Variants in FOSL2 observed in about 807,000 individuals in gnomAD.
FOSL2 encodes the protein fos-related antigen 2.
Under a neutral mutation model 27.7 loss-of-function variants are expected in FOSL2, and 3 were observed. The observed-to-expected ratio is 0.11, with a 90% confidence interval of 0.05 to 0.28. The LOEUF (loss-of-function observed/expected upper bound fraction) is 0.28. Ranked by LOEUF, FOSL2 falls within the 10% of genes least tolerant of loss-of-function variation. The pLI is 1.00. For missense variants in FOSL2, 333 were observed against 445.1 expected, an observed-to-expected ratio of 0.75 and a Z score of 2.27; for synonymous variants, 179 against 190.1, an observed-to-expected ratio of 0.94 and a Z score of 0.48.
At position 28,414,185 on chromosome 2, in the gene FOSL2, G is replaced by A. The variant is rs762690573; in HGVS notation, c.*1737G>A. On this transcript the variant is annotated 3_prime_UTR_variant, in exon 4 of 4. Coordinates refer to ENST00000264716, the MANE Select transcript of FOSL2 (RefSeq NM_005253.4). Reference sequence around the variant, plus strand: ...GTTTGAAAGATAATTAAGATCCCCCGTGGAGAAAGCAGTGACACATTCACA... The same window carrying A: ...GTTTGAAAGATAATTAAGATCCCCCATGGAGAAAGCAGTGACACATTCACA... 7.2e-5 allele frequency: 15 copies of A among 208,038 alleles called. No homozygotes were observed. Among genetic ancestry groups the A allele is most frequent in the Admixed American group, 2.4e-4 (4 of 16,828 alleles). The allele number at this position is 208,038 out of a possible 1,614,324, so 12.9% of individuals were successfully genotyped here.
At chr2:28,396,009 G>A (rs2148076542) in intron 1 of FOSL2, among the ~76,000 whole-genome samples, 1 of 152,264 alleles carries the variant, frequency 6.6e-6, no homozygotes, top group Non-Finnish European at 1.5e-5. Flanking sequence ...GATAAAACCT[G>A]TAATCACTTT....
chr2:28,397,574 C>G (rs192478133), intron 1 of FOSL2, among the ~76,000 whole-genome samples: 1 of 152,312 alleles, frequency 6.6e-6, no homozygotes. Flanking sequence ...ATTTTCCTAT[C>G]CAAAACGCTG....
rs1028844935 is a variant in FOSL2 at position 28,414,625 on chromosome 2, T to C, written c.*2177T>C. The C allele has an allele frequency of 4.6e-5, 7 of 152,228 alleles. No individual in the cohort carries two copies. The highest frequency in any genetic ancestry group is 3.9e-4 in the Admixed American group (6 of 15,288). The allele number at this position is 152,228 out of a possible 1,614,324, so 9.4% of individuals were successfully genotyped here. On this transcript the variant is annotated 3_prime_UTR_variant, in exon 4 of 4. Coordinates refer to ENST00000264716, the MANE Select transcript of FOSL2 (RefSeq NM_005253.4). ...CAAGTGGGAGCTATTTTCTTTTTTGTGCATATAGATATTTCTTAAATGAAG... is the reference window on the plus strand; with the variant it reads ...CAAGTGGGAGCTATTTTCTTTTTTGCGCATATAGATATTTCTTAAATGAAG...
At chr2:28,401,540 C>T (rs748720172) in intron 1 of FOSL2, among the ~76,000 whole-genome samples, 2 of 152,150 alleles carry the variant, frequency 1.3e-5, no homozygotes, top group Non-Finnish European at 2.9e-5. Flanking sequence ...GCCTCCTGAC[C>T]CCGAGTGCAG....
At chr2:28,398,473 G>T (rs1663904996) in intron 1 of FOSL2, among the ~76,000 whole-genome samples, 1 of 152,350 alleles carries the variant, frequency 6.6e-6, no homozygotes, top group East Asian at 1.9e-4. Flanking sequence ...GAGCTGTGGG[G>T]GCTCCAAAGG....
In FOSL2 at chr2:28,412,283, T is replaced by C. The variant is rs896367831; in HGVS notation, c.816T>C (p.Ala272=). 1.2e-6 allele frequency: 2 copies of C among 1,614,088 alleles called. No homozygotes were observed. Among genetic ancestry groups the C allele is most frequent in the Non-Finnish European group, 8.5e-7 (1 of 1,179,996 alleles). Residue 272 remains alanine (A), a synonymous_variant, in exon 4 of 4, where the codon GCT becomes GCC. Coordinates refer to ENST00000264716, the MANE Select transcript of FOSL2 (RefSeq NM_005253.4). This position sits in a 1 kb window ranked among gnomAD's most constrained non-coding sequence, Gnocchi z 7.1. ...CCATCGTGGTGACCTCCACACCTGC[T>C]GTCACTCCGGGCACCTCGAACCTCG... ...HTPIVVTSTP[A]VTPGTSNLVF...
In FOSL2 at chr2:28,393,321, A is replaced by C; in HGVS notation, c.-400A>C. ...CGGGGGTCCCCAGGGCTGGCAGGCCAGGCTCGCTGGGCTCCTAATCTTTTT... is the reference window on the plus strand; with the variant it reads ...CGGGGGTCCCCAGGGCTGGCAGGCCCGGCTCGCTGGGCTCCTAATCTTTTT... On this transcript the variant is annotated 5_prime_UTR_variant, in exon 1 of 4. Coordinates refer to ENST00000264716, the MANE Select transcript of FOSL2 (RefSeq NM_005253.4). This position sits in a 1 kb window ranked among gnomAD's most constrained non-coding sequence, Gnocchi z 4.6. The C allele has an allele frequency of 4.5e-6, 1 of 220,554 alleles. No individual in the cohort carries two copies. The highest frequency in any genetic ancestry group is 8.8e-6 in the Non-Finnish European group (1 of 113,230). The allele number at this position is 220,554 out of a possible 1,614,324, so 13.7% of individuals were successfully genotyped here. A position where few individuals can be genotyped will look rare whatever the true frequency, so the allele number is the denominator to read the frequency against.
Position 28,404,123 on chromosome 2 carries a change from T to C in FOSL2, c.119T>C (p.Met40Thr), listed in dbSNP as rs751769224. 3.1e-6 allele frequency: 5 copies of C among 1,614,098 alleles called. No homozygotes were observed. The highest frequency in any genetic ancestry group is 2.2e-5 in the East Asian group (1 of 44,902). ...TCATTTCAGAAATTCCGGGTAGATATGCCTGGCTCAGGCAGTGCATTCATC... is the reference window on the plus strand; with the variant it reads ...TCATTTCAGAAATTCCGGGTAGATACGCCTGGCTCAGGCAGTGCATTCATC... ...GGGQQKFRVD[M>T]PGSGSAFIPT... Residue 40 changes from methionine (M) to threonine (T), a missense_variant, in exon 2 of 4, where the codon ATG (methionine) becomes ACG (threonine). Coordinates refer to ENST00000264716, the MANE Select transcript of FOSL2 (RefSeq NM_005253.4). The surrounding 1 kb of genome is among the most constrained non-coding windows in gnomAD (Gnocchi z 4.7).
In FOSL2 at chr2:28,393,731, A is replaced by T; in HGVS notation, c.11A>T (p.Asp4Val). The T allele has an allele frequency of 6.2e-7, 1 of 1,609,448 alleles. No individual in the cohort carries two copies. The highest frequency in any genetic ancestry group is 8.5e-7 in the Non-Finnish European group (1 of 1,178,110). Residue 4 changes from aspartate (D) to valine (V), a missense_variant, in exon 1 of 4, where the codon GAT (aspartate) becomes GTT (valine). By Grantham distance (152) the Asp-to-Val change is radical. This residue lies in a region of FOSL2 where 131 missense variants were observed against 157.9 expected (regional missense o/e 0.83). Coordinates refer to ENST00000264716, the MANE Select transcript of FOSL2 (RefSeq NM_005253.4). This position sits in a 1 kb window ranked among gnomAD's most constrained non-coding sequence, Gnocchi z 4.6. MYQ[D>V]YPGNFDTSSR... is the part of the protein sequence containing the mutation. The stretch of plus-strand genomic sequence containing the variant: ...CCCCCACCGCGGATCATGTACCAGG[A>T]TTATCCCGGGAACTTTGACACCTCG...
rs115550988 is a variant in FOSL2, at chr2:28,408,356, T to A, written c.355-403T>A. Among the ~76,000 whole-genome samples the A allele has an allele frequency of 2.0e-3, 312 of 152,230 alleles. 1 individual carries two copies. Among genetic ancestry groups the A allele is most frequent in the Non-Finnish European group, 2.6e-3 (176 of 68,006 alleles). ...TAGCCAGGGTTTGGAAGAAGCTGCT[T>A]AAGTGGGTGGGGCCACGCCTGGCTG... On this transcript the variant is annotated intron_variant, in intron 2 of 3. Coordinates refer to ENST00000264716, the MANE Select transcript of FOSL2 (RefSeq NM_005253.4). This position sits in a 1 kb window ranked among gnomAD's most constrained non-coding sequence, Gnocchi z 4.1.
At chr2:28,410,635 G>A (rs1664174039) in intron 3 of FOSL2, 1 of 617,428 alleles carries the variant, frequency 1.6e-6, no homozygotes, top group African/African-American at 2.0e-5. Context: ...GGAGGCTGGT[G>A]ACACACACCT....
chr2:28,403,982 C>T, intron 1 of FOSL2, 125 bp from the exon 2 acceptor site: 2 of 1,132,822 alleles, frequency 1.8e-6, no homozygotes, highest in Non-Finnish European at 2.5e-6. Flanking sequence ...GGGGTCCTGA[C>T]CTTGCCCTTC....
At chr2:28,405,989 C>T in intron 2 of FOSL2, among the ~76,000 whole-genome samples, 1 of 150,976 alleles carries the variant, frequency 6.6e-6, no homozygotes, top group South Asian at 2.1e-4. Flanking sequence ...GCCAGGTACT[C>T]TTTGGGGCTA....
Position 28,412,860 on chromosome 2 carries a change from CGACTT to C in FOSL2, c.*416_*420del, listed in dbSNP as rs950415023. ...AGTGCCTTTTGGTTTCACCTTCCCT[CGACTT>C]GACCCTTTCCTCCCCCAGCGTCAGT... On this transcript the variant is annotated 3_prime_UTR_variant, in exon 4 of 4. Coordinates refer to ENST00000264716, the MANE Select transcript of FOSL2 (RefSeq NM_005253.4). This position sits in a 1 kb window ranked among gnomAD's most constrained non-coding sequence, Gnocchi z 7.1. The C allele has an allele frequency of 1.1e-5, 2 of 175,862 alleles. No individual in the cohort carries two copies. The highest frequency in any genetic ancestry group is 2.4e-5 in the Non-Finnish European group (2 of 84,004). The allele number at this position is 175,862 out of a possible 1,614,324, so 10.9% of individuals were successfully genotyped here. A position where few individuals can be genotyped will look rare whatever the true frequency, so the allele number is the denominator to read the frequency against.
chr2:28,394,660 A>G (rs1663771411), intron 1 of FOSL2: 1 of 152,266 alleles, frequency 6.6e-6, no homozygotes, highest in South Asian at 2.1e-4. Context: ...AAGCAGCCGG[A>G]CTGGTTTGCA....
Position 28,413,432 on chromosome 2 carries a change from G to C in FOSL2, c.*984G>C, listed in dbSNP as rs1343743675. The C allele has an allele frequency of 2.5e-6, 1 of 398,562 alleles. No individual in the cohort carries two copies. Among genetic ancestry groups the C allele is most frequent in the African/African-American group, 2.1e-5 (1 of 48,616 alleles). The allele number at this position is 398,562 out of a possible 1,614,324, so 24.7% of individuals were successfully genotyped here. ...ACATTATACTCCAAGTCCCTGCCGG[G>C]CTCCGCCTTTCCCCCACCCTGGCTC... On this transcript the variant is annotated 3_prime_UTR_variant, in exon 4 of 4. Transcript: ENST00000264716.
intron 3 of FOSL2, among the ~76,000 whole-genome samples, chr2:28,409,302 T>C (rs951783138): frequency 1.3e-5 from 2 of 152,156 alleles, no homozygotes; most frequent in Admixed American, 6.5e-5. Context: ...CAGCCTGGCC[T>C]AAGCACTCTG....
rs1663701347 is a variant in FOSL2, at chr2:28,392,896, C to T, written c.-825C>T. 2.5e-5 allele frequency: 18 copies of T among 713,832 alleles called. No homozygotes were observed. The highest frequency in any genetic ancestry group is 2.3e-4 in the Middle Eastern group (1 of 4,384). The allele number at this position is 713,832 out of a possible 1,614,324, so 44.2% of individuals were successfully genotyped here. On this transcript the variant is annotated 5_prime_UTR_variant, in exon 1 of 4. Transcript: ENST00000264716. ...TCGGGCAGAGCGCTAGGGCTCCGAG[C>T]GAACCAGCGAGCGAGCGAACGAGCG... is the stretch of plus-strand genomic sequence containing the variant.
intron 1 of FOSL2, among the ~76,000 whole-genome samples, chr2:28,400,895 G>A (rs912876367): frequency 1.5e-4 from 23 of 152,194 alleles, no homozygotes; most frequent in Non-Finnish European, 1.5e-5. Context: ...GGTTCCCCAA[G>A]CCTAAAACGG....
Sources: gnomAD v4.1 joint callset for allele counts (sites outside exome capture counted in the v4.1 genomes callset) on GRCh38, gnomAD v4.1.1 for gene constraint, gnomAD v4.1.1 regional missense constraint, Gnocchi (gnomAD v3.1) non-coding constraint, MANE v1.5 for transcripts, NCBI Gene and HGNC (gene_info 2026-07-23, HGNC 2026-07-21) for gene names.